GALNTL6: variants seen among roughly 807,000 people sequenced by gnomAD.
GALNTL6 encodes the protein polypeptide N-acetylgalactosaminyltransferase-like 6.
A neutral mutation model predicts 73.7 loss-of-function variants in GALNTL6; 46 were observed. The ratio of observed to expected loss-of-function variants is 0.62; its 90% CI spans 0.49 to 0.80. GALNTL6 has a LOEUF of 0.80. Ranked by LOEUF, GALNTL6 falls within the 30% of genes least tolerant of loss-of-function variation. The pLI, the probability that GALNTL6 is intolerant of heterozygous loss-of-function variation, is 0.00. For missense variants in GALNTL6, 604 were observed against 755.0 expected (o/e 0.80, Z 2.34); for synonymous variants, 259 against 263.7 (o/e 0.98, Z 0.17).
chr4:171,982,373 C>T (rs1739924627), intron 2 of GALNTL6, among the ~76,000 whole-genome samples: 3 of 152,146 alleles, frequency 2.0e-5, no homozygotes, highest in Non-Finnish European at 4.4e-5. Flanking sequence ...TCTCGGCCCA[C>T]TGCAAGCTCT....
chr4:172,707,911 T>C (rs1201019826), intron 5 of GALNTL6, among the ~76,000 whole-genome samples: 1 of 152,118 alleles, frequency 6.6e-6, no homozygotes, highest in Non-Finnish European at 1.5e-5. Flanking sequence ...AGTTGGGCTA[T>C]GTAGGTCCAG....
intron 5 of GALNTL6, among the ~76,000 whole-genome samples, chr4:172,427,311 C>T (rs1731268927): frequency 6.6e-6 from 1 of 152,024 alleles, no homozygotes; most frequent in Non-Finnish European, 1.5e-5. Flanking sequence ...TGGCAGCAGG[C>T]AAGAGAATGT....
chr4:172,599,399 AC>A (rs768897354), intron 5 of GALNTL6, among the ~76,000 whole-genome samples: 5 of 152,166 alleles, frequency 3.3e-5, no homozygotes, highest in African/African-American at 9.7e-5. Flanking sequence ...AAAGAAAAAA[AC>A]GACTTGATTG....
At chr4:172,615,815 A>G (rs1380042595) in intron 5 of GALNTL6, among the ~76,000 whole-genome samples, 2 of 152,188 alleles carry the variant, frequency 1.3e-5, no homozygotes, top group Admixed American at 1.3e-4. Flanking sequence ...TTAATTAGAT[A>G]CAGTGATCTA....
chr4:172,195,250 A>G (rs1560964064), intron 2 of GALNTL6, among the ~76,000 whole-genome samples: 2 of 152,248 alleles, frequency 1.3e-5, no homozygotes, highest in African/African-American at 2.4e-5. Flanking sequence ...TATACTAAAT[A>G]TACATGCACC....
chr4:171,818,222 T>C (rs1026600190), intron 2 of GALNTL6, among the ~76,000 whole-genome samples: 23 of 151,786 alleles, frequency 1.5e-4, no homozygotes, highest in African/African-American at 4.6e-4. Context: ...GGATGATACA[T>C]AGAATAATAC....
chr4:172,960,653 C>T (rs933622632), intron 10 of GALNTL6, among the ~76,000 whole-genome samples: 2 of 152,066 alleles, frequency 1.3e-5, no homozygotes, highest in African/African-American at 2.4e-5. Context: ...ACACCAGGCA[C>T]CTCAGACCAT....
chr4:172,275,355 A>G (rs1373598491), intron 3 of GALNTL6, among the ~76,000 whole-genome samples: 1 of 152,208 alleles, frequency 6.6e-6, no homozygotes, highest in Non-Finnish European at 1.5e-5. Flanking sequence ...ATCACATTGC[A>G]GAGTATTTGT....
In GALNTL6 at chr4:172,588,518, C is replaced by T. The variant is rs114582406; in HGVS notation, c.554-220843C>T. On this transcript the variant is annotated intron_variant, in intron 5 of 12. Transcript: ENST00000506823. ...CTAAGGTGCAGGAATCACCTGAGCC[C>T]GGGGACCCTGTCTCAAAAAAAAAAA... Among the ~76,000 whole-genome samples the T allele has an allele frequency of 4.8e-3, 717 of 148,850 alleles. 7 individuals are homozygous for T. The highest frequency in any genetic ancestry group is 0.017 in the African/African-American group (671 of 40,294).
intron 2 of GALNTL6, among the ~76,000 whole-genome samples, chr4:171,998,189 CT>C (rs1274151377): frequency 6.6e-6 from 1 of 152,124 alleles, no homozygotes; most frequent in Non-Finnish European, 1.5e-5. Flanking sequence ...TCAGTTGCAT[CT>C]AGAAATAGGT....
intron 2 of GALNTL6, among the ~76,000 whole-genome samples, chr4:172,171,286 T>C (rs578042857): frequency 6.5e-4 from 99 of 152,300 alleles, no homozygotes; most frequent in South Asian, 4.6e-3. Flanking sequence ...TAAGGACCTA[T>C]AATATCCTAA....
intron 3 of GALNTL6, among the ~76,000 whole-genome samples, chr4:172,299,308 CA>C (rs1561013219): frequency 1.3e-5 from 2 of 152,060 alleles, no homozygotes; most frequent in Non-Finnish European, 1.5e-5. Context: ...TTGATCTTTT[CA>C]AAAAACCAGC....
intron 8 of GALNTL6, among the ~76,000 whole-genome samples, chr4:172,921,582 G>A (rs1182588843): frequency 6.6e-6 from 1 of 152,112 alleles, no homozygotes; most frequent in Non-Finnish European, 1.5e-5. Flanking sequence ...GATCACTTGA[G>A]GTCAGGAGTT....
At chr4:172,258,428 G>A (rs1445984285) in intron 3 of GALNTL6, among the ~76,000 whole-genome samples, 2 of 151,142 alleles carry the variant, frequency 1.3e-5, no homozygotes, top group African/African-American at 2.4e-5. Flanking sequence ...GTGAGACAAT[G>A]TTTTTCATTA....
intron 3 of GALNTL6, among the ~76,000 whole-genome samples, chr4:172,252,055 CAG>C (rs1395249689): frequency 6.6e-6 from 1 of 151,838 alleles, no homozygotes; most frequent in Non-Finnish European, 1.5e-5. Context: ...AATTTAGAGA[CAG>C]AAATTGTAGA....
intron 10 of GALNTL6, among the ~76,000 whole-genome samples, chr4:172,964,838 T>C (rs1047340143): frequency 6.6e-6 from 1 of 152,172 alleles, no homozygotes; most frequent in African/African-American, 2.4e-5. Flanking sequence ...GATGCAGGAG[T>C]AAAAAGCAGG....
At chr4:171,904,860 A>AT (rs1426722697) in intron 2 of GALNTL6, among the ~76,000 whole-genome samples, 1 of 152,176 alleles carries the variant, frequency 6.6e-6, no homozygotes, top group Non-Finnish European at 1.5e-5. Context: ...AAATAAAAGA[A>AT]TTTTCAACCC....
At chr4:171,886,227 T>C (rs1736603718) in intron 2 of GALNTL6, among the ~76,000 whole-genome samples, 2 of 151,948 alleles carry the variant, frequency 1.3e-5, no homozygotes, top group Admixed American at 1.3e-4. Flanking sequence ...AAAGGCAAAC[T>C]CAAAAAAAGC....
At position 172,120,681 on chromosome 4, in the gene GALNTL6, G is replaced by A. The variant is rs75973241; in HGVS notation, c.139-108975G>A. Among the ~76,000 whole-genome samples the A allele has an allele frequency of 4.2e-3, 631 of 151,954 alleles. 2 individuals are homozygous for A. The highest frequency in any genetic ancestry group is 0.012 in the African/African-American group (500 of 41,436). ...AAAATAAAGTCGGGGGGTGGGGTGGGGAATTGAGTTTTCCATAGAAAGAGA... is the reference window on the plus strand; with the variant it reads ...AAAATAAAGTCGGGGGGTGGGGTGGAGAATTGAGTTTTCCATAGAAAGAGA... On this transcript the variant is annotated intron_variant, in intron 2 of 12. Transcript: ENST00000506823.
Sources: gnomAD v4.1 joint callset for allele counts (sites outside exome capture counted in the v4.1 genomes callset) on GRCh38, gnomAD v4.1.1 for gene constraint, MANE v1.5 for transcripts, NCBI Gene and HGNC (gene_info 2026-07-23, HGNC 2026-07-21) for gene names.